The following CRELD1 variants were observed in gnomAD, a reference collection of about 807,000 sequenced individuals.
CRELD1 encodes protein disulfide isomerase CRELD1.
Under a neutral mutation model 58.2 loss-of-function variants are expected in CRELD1, and 42 were observed. The ratio of observed to expected loss-of-function variants is 0.72; its 90% CI spans 0.56 to 0.93. CRELD1 has a LOEUF of 0.93. Ranked by LOEUF, CRELD1 falls within the 40% of genes least tolerant of loss-of-function variation. CRELD1 has a pLI of 0.00. For missense variants in CRELD1, 500 were observed against 540.6 expected (o/e 0.92, Z 0.74); for synonymous variants, 222 against 202.0 (o/e 1.10, Z -0.84).
At chr3:9,934,090 A>G (rs945567044) in intron 1 of CRELD1, 170 bp downstream of exon 1, 27 of 375,700 alleles carry the variant, frequency 7.2e-5, no homozygotes, top group Non-Finnish European at 1.2e-4. Context: ...AGTACTTGGA[A>G]TCTGATCTCT....
At chr3:9,940,449 C>A (rs901098528) in intron 5 of CRELD1, among the ~76,000 whole-genome samples, 4 of 152,100 alleles carry the variant, frequency 2.6e-5, no homozygotes, top group African/African-American at 4.8e-5. Context: ...GCGGATCACT[C>A]GCGTTTAGGA....
At position 9,943,467 on chromosome 3, in the gene CRELD1, G is replaced by C. The variant is rs147685991; in HGVS notation, c.1000G>C (p.Glu334Gln). 12 of 1,613,948 alleles carry C rather than the reference G, an allele frequency of 7.4e-6. No individual in the cohort carries two copies. The highest frequency in any genetic ancestry group is 1.0e-5 in the Non-Finnish European group (12 of 1,180,000). ...GGGCGGTTATCGCTGCATCTGTGCC[G>C]AGGGCTACAAGCAGATGGAAGGCAT... ...TEGGYRCICA[E>Q]GYKQMEGICV... Residue 334 changes from glutamate (E) to glutamine (Q), a missense_variant, in exon 10 of 11, where the codon GAG (glutamate) becomes CAG (glutamine). Transcript: ENST00000452070.
At chr3:9,937,938 T>C (rs1198190388) in intron 4 of CRELD1, 77 bp from the exon 5 acceptor site, 6 of 1,053,204 alleles carry the variant, frequency 5.7e-6, no homozygotes, top group Middle Eastern at 2.9e-4. Flanking sequence ...GATTCAGGCA[T>C]GGGGGAATGG....
intron 10 of CRELD1, 27 bp downstream of exon 10, chr3:9,943,542 G>A: frequency 1.2e-6 from 2 of 1,613,874 alleles, no homozygotes; most frequent in Non-Finnish European, 1.7e-6. Context: ...GAGAGGGGAG[G>A]TCCTCATTCA....
Position 9,937,830 on chromosome 3 carries a change from G to C in CRELD1, c.368+158G>C, listed in dbSNP as rs111591541. On this transcript the variant is annotated intron_variant, in intron 4 of 10. Transcript: ENST00000452070. The stretch of plus-strand genomic sequence containing the variant: ...GCTAAGAACTTGCCGGGGGACTTGC[G>C]CTCCACTTTGAGCCTCAGTTTACCC... 7.2e-5 allele frequency among the ~76,000 whole-genome samples: 11 copies of C among 152,286 alleles called. 1 individual carries two copies. Among genetic ancestry groups the C allele is most frequent in the African/African-American group, 2.6e-4 (11 of 41,562 alleles).
chr3:9,942,169 G>A (rs1288517785), intron 7 of CRELD1, among the ~76,000 whole-genome samples: 1 of 151,984 alleles, frequency 6.6e-6, no homozygotes, highest in African/African-American at 2.4e-5. Context: ...TACTCGGGAG[G>A]CAGAGGCAGG....
chr3:9,940,028 G>A (rs1342803355), intron 5 of CRELD1, among the ~76,000 whole-genome samples: 3 of 150,994 alleles, frequency 2.0e-5, no homozygotes, highest in Non-Finnish European at 2.9e-5. Flanking sequence ...CTTCCCAGAC[G>A]GGGCGGCTGC....
At position 9,937,628 on chromosome 3, in the gene CRELD1, G is replaced by A. The variant is rs745547596; in HGVS notation, c.324G>A (p.Leu108=). 12 of 1,612,006 alleles carry A rather than the reference G, an allele frequency of 7.4e-6. No individual in the cohort carries two copies. The highest frequency in any genetic ancestry group is 1.3e-5 in the African/African-American group (1 of 74,910). The change falls in exon 4 of 11, where the codon CTG becomes CTA. Residue 108 remains leucine (L), a synonymous_variant. Transcript: ENST00000452070. The part of the protein sequence containing the change: ...CSKSDFECHR[L]LELSEELVES... Reference sequence around the variant, plus strand: ...AGTCAGACTTCGAGTGCCACCGCCTGCTGGAGCTGAGTGAGGAGCTGGTGG... The same window carrying A: ...AGTCAGACTTCGAGTGCCACCGCCTACTGGAGCTGAGTGAGGAGCTGGTGG...
chr3:9,940,807 A>T lies in CRELD1; in HGVS notation c.461-43A>T, dbSNP rs73814309. 5.2e-4 allele frequency: 821 copies of T among 1,567,486 alleles called. 7 individuals carry two copies. In the African/African-American group the frequency reaches 0.011, roughly 21 times the overall value. On this transcript the variant is annotated intron_variant, in intron 5 of 10. Coordinates refer to ENST00000452070, the MANE Select transcript of CRELD1 (RefSeq NM_001077415.3). The stretch of plus-strand genomic sequence containing the variant: ...GGAGAAAATATTATCTTGTATATCA[A>T]GGTTGTATAGATGACCTCACCTGGT...
At position 9,943,158 on chromosome 3, in the gene CRELD1, G is replaced by A; in HGVS notation, c.899G>A (p.Gly300Asp). The A allele has an allele frequency of 1.9e-6, 3 of 1,613,110 alleles. No individual in the cohort carries two copies. Among genetic ancestry groups the A allele is most frequent in the Non-Finnish European group, 8.5e-7 (1 of 1,179,854 alleles). ...KKCSPGYQQV[G>D]SKCLDVDECE... is the part of the protein sequence containing the mutation. ...TGTAGCCCTGGCTATCAGCAGGTGG[G>A]CTCCAAGTGTCTCGGTGAGTCTCCT... Residue 300 changes from glycine to aspartate, a missense_variant, in exon 9 of 11, where the codon GGC (glycine) becomes GAC (aspartate). Physicochemically the swap from Gly to Asp is moderately conservative, Grantham distance 94 (BLOSUM62 -1). Coordinates refer to ENST00000452070, the MANE Select transcript of CRELD1 (RefSeq NM_001077415.3).
intron 1 of CRELD1, chr3:9,934,212 G>C (rs2085093223): frequency 1.7e-6 from 1 of 580,410 alleles, no homozygotes; most frequent in East Asian, 2.9e-5. Flanking sequence ...TCCACCCCAT[G>C]CTAGCGAGGA....
At chr3:9,935,506 G>A (rs1017642763) in intron 3 of CRELD1, among the ~76,000 whole-genome samples, 1 of 152,154 alleles carries the variant, frequency 6.6e-6, no homozygotes. Context: ...ATTGTAAGGG[G>A]CAAGGGCGGA....
At chr3:9,944,193 G>T in intron 10 of CRELD1, 172 bp from the exon 11 acceptor site, 1 of 795,058 alleles carries the variant, frequency 1.3e-6, no homozygotes, top group Non-Finnish European at 2.3e-6. Context: ...AGTGAGACAG[G>T]GATGGTAACT....
rs774719172 is a variant in CRELD1 at position 9,943,383 on chromosome 3, G to A, written c.916G>A (p.Val306Met). The A allele has an allele frequency of 9.9e-6, 16 of 1,613,892 alleles. No homozygotes were observed. The East Asian group carries it at 2.2e-4, about 22-fold the overall frequency. ...YQQVGSKCLD[V>M]DECETEVCPG... ...TCTGACCCCTCCCTCCCCTCAAGAT[G>A]TGGATGAGTGTGAGACAGAGGTGTG... Residue 306 changes from valine to methionine, a missense_variant and splice_region_variant, in exon 10 of 11, where the codon GTG becomes ATG. Val to Met is a conservative substitution (Grantham distance 21). Transcript: ENST00000452070.
chr3:9,934,295 A>G, intron 1 of CRELD1, 125 bp from the exon 2 acceptor site: 1 of 733,640 alleles, frequency 1.4e-6, no homozygotes, highest in Non-Finnish European at 2.4e-6. Context: ...TGCAATACCC[A>G]GTTTGGCCTC....
intron 5 of CRELD1, 137 bp from the exon 6 acceptor site, chr3:9,940,713 G>C (rs1188977465): frequency 7.9e-6 from 5 of 630,236 alleles, no homozygotes; most frequent in South Asian, 3.5e-5. Context: ...ATGGGGAGAG[G>C]GAGAGGGAAA....
rs1261944206 is a variant in CRELD1 at position 9,944,562 on chromosome 3, TTCA to T, written c.1250_1252del (p.Ile417del). ...GCGCAGTGACCGTGTGCTGGAGGGC[TTCA>T]TCAAGGGCAGATAATCGCGGCCACC... On this transcript the variant is annotated inframe_deletion, in exon 11 of 11. Transcript: ENST00000452070. 4.4e-6 allele frequency: 7 copies of T among 1,608,382 alleles called. No individual in the cohort carries two copies. Among genetic ancestry groups the T allele is most frequent in the Non-Finnish European group, 5.9e-6 (7 of 1,179,734 alleles).
At chr3:9,939,556 A>G (rs1211293759) in intron 5 of CRELD1, among the ~76,000 whole-genome samples, 1 of 152,184 alleles carries the variant, frequency 6.6e-6, no homozygotes, top group Non-Finnish European at 1.5e-5. Context: ...GCTGCCTTCA[A>G]GCATCTGTTT....
intron 3 of CRELD1, among the ~76,000 whole-genome samples, chr3:9,937,303 C>G (rs1437478944): frequency 6.6e-6 from 1 of 152,138 alleles, no homozygotes; most frequent in South Asian, 2.1e-4. Context: ...TACAACAAAC[C>G]TGCAGGGAAG....
Sources: allele counts gnomAD v4.1 joint callset (sites outside exome capture counted in the v4.1 genomes callset), GRCh38; gene constraint gnomAD v4.1.1; transcripts MANE v1.5; gene names NCBI Gene and HGNC (gene_info 2026-07-23, HGNC 2026-07-21).